Variants in RBFOX1 observed in about 807,000 individuals in gnomAD.
RBFOX1 encodes the protein RNA binding fox-1 homolog 1.
A neutral mutation model predicts 57.7 loss-of-function variants in RBFOX1; 8 were observed. The observed-to-expected ratio is 0.14, with a 90% CI of 0.08 to 0.25. RBFOX1 has a LOEUF of 0.25. Among genes scored for constraint, RBFOX1 ranks in the 10% least tolerant of loss-of-function variants. The pLI is 1.00. For synonymous variants in RBFOX1, 326 were observed against 222.4 expected (o/e 1.47, Z -4.15); for missense variants, 611 against 548.5 (o/e 1.11, Z -1.14).
intron 2 of RBFOX1, among the ~76,000 whole-genome samples, chr16:6,467,892 C>T (rs1020064305): frequency 6.6e-6 from 1 of 152,154 alleles, no homozygotes; most frequent in Non-Finnish European, 1.5e-5. Context: ...CAATCTACAT[C>T]CCTTTGTTGA....
rs573842065 is a variant in RBFOX1 at position 5,552,085 on chromosome 16, C to T, written c.259-46817C>T. ...TGCATAATAATGAAACAGACTGTGT[C>T]GTGTTACCGTGAAATTGAACTAAGA... On this transcript the variant is annotated intron_variant, in intron 2 of 2. Transcript: ENST00000585867. Among the ~76,000 whole-genome samples, 7 of 152,224 alleles carry T rather than the reference C, an allele frequency of 4.6e-5. 1 individual carries two copies. In the South Asian group the frequency reaches 1.5e-3, roughly 32 times the overall value.
In RBFOX1 at chr16:5,811,323, G is replaced by A. The variant is rs184600394; in HGVS notation, c.319-55980G>A. Among the ~76,000 whole-genome samples, 36 of 151,426 alleles carry A rather than the reference G, an allele frequency of 2.4e-4. No individual in the cohort carries two copies. The East Asian group carries it at 3.1e-3, about 13-fold the overall frequency. The stretch of plus-strand genomic sequence containing the variant: ...TAATTTTTATACTTTTAGTAGAGAC[G>A]GGGTTTCCCTGGTTTCCCTATGTTA... On this transcript the variant is annotated intron_variant, in intron 3 of 19. Coordinates refer to the RBFOX1 transcript ENST00000641259.
chr16:7,307,557 A>G (rs1001332474), intron 4 of RBFOX1, among the ~76,000 whole-genome samples: 3 of 152,218 alleles, frequency 2.0e-5, no homozygotes, highest in South Asian at 2.1e-4. Flanking sequence ...TTTTATCTAG[A>G]TAAGTGTTTA....
chr16:6,254,592 A>G (rs991082492), intron 1 of RBFOX1, among the ~76,000 whole-genome samples: 23 of 152,184 alleles, frequency 1.5e-4, no homozygotes, highest in Non-Finnish European at 1.0e-4. Context: ...GTAGGAAGAC[A>G]TTTTAACATC....
chr16:7,644,729 A>G (rs1380209270), intron 11 of RBFOX1, among the ~76,000 whole-genome samples: 1 of 152,252 alleles, frequency 6.6e-6, no homozygotes, highest in East Asian at 1.9e-4. Flanking sequence ...AGAGAGATGT[A>G]TAAGGAAGTT....
rs114962375 is a variant in RBFOX1, at chr16:7,216,693, G to A, written c.27+164595G>A. ...AAATTAAAAAACCCACAAACAAACC[G>A]AGACAATGAGTGTAGCACAGCACAT... On this transcript the variant is annotated intron_variant, in intron 4 of 15. Coordinates refer to ENST00000550418, the MANE Select transcript of RBFOX1 (RefSeq NM_018723.4). Among the ~76,000 whole-genome samples the A allele has an allele frequency of 3.4e-3, 524 of 152,088 alleles. 6 individuals carry two copies. The highest frequency in any genetic ancestry group is 0.012 in the African/African-American group (500 of 41,486).
intron 3 of RBFOX1, among the ~76,000 whole-genome samples, chr16:6,828,130 G>T (rs970271513): frequency 2.6e-5 from 4 of 152,288 alleles, no homozygotes; most frequent in Admixed American, 2.6e-4. Flanking sequence ...CAGCAGTCAG[G>T]AAGCAATTTG....
intron 4 of RBFOX1, among the ~76,000 whole-genome samples, chr16:7,055,034 T>C (rs1568566459): frequency 6.6e-6 from 1 of 152,192 alleles, no homozygotes; most frequent in Non-Finnish European, 1.5e-5. Context: ...AATTAATTTT[T>C]CCAAAACAGA....
rs539394267 is a variant in RBFOX1, at chr16:6,619,355, C to T, written c.-63-35248C>T. Among the ~76,000 whole-genome samples, 19 of 152,270 alleles carry T rather than the reference C, an allele frequency of 1.2e-4. No homozygotes were observed. In the East Asian group the frequency reaches 3.1e-3, roughly 25 times the overall value. On this transcript the variant is annotated intron_variant, in intron 2 of 15. Transcript: ENST00000550418. ...GGAAAACATTCAGTCCAGTATGACT[C>T]TTTAAATAGCCATCTATGCCAAGCC...
intron 4 of RBFOX1, among the ~76,000 whole-genome samples, chr16:7,466,115 C>A (rs1210613530): frequency 6.6e-6 from 1 of 152,114 alleles, no homozygotes; most frequent in Admixed American, 6.6e-5. Flanking sequence ...GGAAAAGATG[C>A]CTGGTTTTAG....
chr16:6,711,976 T>C (rs13380509), intron 3 of RBFOX1, among the ~76,000 whole-genome samples: 9,295 of 152,290 alleles, frequency 0.061, 361 homozygotes, highest in African/African-American at 0.093. Context: ...TAGCATTTTG[T>C]ATAGTATACG....
chr16:6,317,256 C>G (rs148430047), intron 2 of RBFOX1, among the ~76,000 whole-genome samples, 199 bp downstream of exon 2: 1 of 152,120 alleles, frequency 6.6e-6, no homozygotes, highest in African/African-American at 2.4e-5. Flanking sequence ...TTAGCCCTCC[C>G]TCCCCAATGA....
chr16:5,746,278 G>C (rs1456735764), intron 3 of RBFOX1, among the ~76,000 whole-genome samples: 1 of 152,146 alleles, frequency 6.6e-6, no homozygotes, highest in African/African-American at 2.4e-5. Flanking sequence ...CAAGGGCTGT[G>C]TTCTGTTCCA....
intron 4 of RBFOX1, among the ~76,000 whole-genome samples, chr16:5,954,337 G>C (rs1295341336): frequency 1.3e-5 from 2 of 152,124 alleles, no homozygotes; most frequent in East Asian, 3.9e-4. Context: ...GGCCGGGTGG[G>C]GGTTGGGAAC....
At chr16:7,263,880 A>G (rs1260981134) in intron 4 of RBFOX1, among the ~76,000 whole-genome samples, 1 of 151,508 alleles carries the variant, frequency 6.6e-6, no homozygotes, top group Non-Finnish European at 1.5e-5. Context: ...AGCCTGGGCA[A>G]CAAGAGCAAA....
At chr16:6,241,740 C>A (rs2097541152) in intron 1 of RBFOX1, among the ~76,000 whole-genome samples, 1 of 152,204 alleles carries the variant, frequency 6.6e-6, no homozygotes, top group Non-Finnish European at 1.5e-5. Flanking sequence ...CTGAGCATTT[C>A]AGGCACTTAA....
intron 2 of RBFOX1, among the ~76,000 whole-genome samples, chr16:5,518,182 A>G (rs980203799): frequency 7.2e-5 from 11 of 152,210 alleles, no homozygotes; most frequent in African/African-American, 2.7e-4. Context: ...CAAATTAGAA[A>G]CATTAATTTA....
intron 4 of RBFOX1, among the ~76,000 whole-genome samples, chr16:7,317,339 C>T (rs893914759): frequency 6.6e-6 from 1 of 152,130 alleles, no homozygotes; most frequent in African/African-American, 2.4e-5. Context: ...TGGTATGCAG[C>T]TTCATGGAAG....
chr16:6,797,845 G>C (rs115450491), intron 3 of RBFOX1, among the ~76,000 whole-genome samples: 1 of 152,074 alleles, frequency 6.6e-6, no homozygotes, highest in Non-Finnish European at 1.5e-5. Flanking sequence ...AGAACCACTC[G>C]ACTTGAGTTG....
Sources: gnomAD v4.1 joint callset for allele counts (sites outside exome capture counted in the v4.1 genomes callset) on GRCh38, gnomAD v4.1.1 for gene constraint, MANE v1.5 for transcripts, NCBI Gene and HGNC (gene_info 2026-07-23, HGNC 2026-07-21) for gene names.